Variants in FBXL13 observed in about 807,000 individuals in gnomAD.
FBXL13 encodes F-box and leucine rich repeat protein 13.
FBXL13 carries 67 observed loss-of-function variants against 83.6 expected under a neutral mutation model. The ratio of observed to expected loss-of-function variants is 0.80; its 90% CI spans 0.66 to 0.98. FBXL13 has a LOEUF of 0.98. Among genes scored for constraint, FBXL13 ranks in the 50% least tolerant of loss-of-function variants. The pLI is 0.00. For synonymous variants in FBXL13, 272 were observed against 299.5 expected (o/e 0.91, Z 0.95); for missense variants, 822 against 866.5 (o/e 0.95, Z 0.64).
intron 10 of FBXL13, among the ~76,000 whole-genome samples, chr7:102,921,445 C>T (rs956378657): frequency 6.6e-6 from 1 of 151,930 alleles, no homozygotes; most frequent in Non-Finnish European, 1.5e-5. Context: ...TTTGGGAGGC[C>T]GAAGTGGGTG....
intron 6 of FBXL13, among the ~76,000 whole-genome samples, chr7:102,983,220 G>A (rs1004494612): frequency 6.6e-6 from 1 of 152,098 alleles, no homozygotes; most frequent in Non-Finnish European, 1.5e-5. Context: ...CTCATGCAGT[G>A]TAGCATTAAC....
Position 103,052,553 on chromosome 7 carries a change from C to G in FBXL13, c.-1+3091G>C, listed in dbSNP as rs961537665. Among the ~76,000 whole-genome samples the G allele has an allele frequency of 3.9e-5, 6 of 152,062 alleles. No homozygotes were observed. In the East Asian group the frequency reaches 1.2e-3, roughly 29 times the overall value. Reference sequence around the variant, plus strand: ...CAACCCTAGGACACTTGGAGATTCACATTTTCATGTCTAACCTTAACAAAT... The same window carrying G: ...CAACCCTAGGACACTTGGAGATTCAGATTTTCATGTCTAACCTTAACAAAT... On this transcript the variant is annotated intron_variant, in intron 2 of 19. Coordinates refer to ENST00000313221, the Ensembl canonical transcript of FBXL13.
chr7:102,883,860 G>A (rs1036285428), intron 12 of FBXL13, among the ~76,000 whole-genome samples, 175 bp from the exon 14 acceptor site: 1 of 152,100 alleles, frequency 6.6e-6, no homozygotes, highest in African/African-American at 2.4e-5. Context: ...TTTGACTAAT[G>A]TGGAGGAATC....
intron 8 of FBXL13, among the ~76,000 whole-genome samples, chr7:102,953,139 C>T (rs1823684450): frequency 6.6e-6 from 1 of 152,128 alleles, no homozygotes; most frequent in Non-Finnish European, 1.5e-5. Context: ...GGAAAAAATA[C>T]CTCCTACCTC....
chr7:102,917,463 G>T (rs1197416077), intron 10 of FBXL13, among the ~76,000 whole-genome samples: 1 of 152,164 alleles, frequency 6.6e-6, no homozygotes, highest in African/African-American at 2.4e-5. Flanking sequence ...GTGAAAGAAG[G>T]TTGTTATTAT....
chr7:102,977,120 G>T (rs1347950597), intron 6 of FBXL13, among the ~76,000 whole-genome samples: 4 of 152,274 alleles, frequency 2.6e-5, no homozygotes, highest in African/African-American at 4.8e-5. Flanking sequence ...GCAAGAGGAC[G>T]AGTGGCCCCT....
At chr7:102,908,857 C>T (rs1341310306) in intron 11 of FBXL13, among the ~76,000 whole-genome samples, 1 of 152,244 alleles carries the variant, frequency 6.6e-6, no homozygotes, top group African/African-American at 2.4e-5. Flanking sequence ...GTAGCTATCA[C>T]AGCACTGGGT....
intron 11 of FBXL13, among the ~76,000 whole-genome samples, chr7:102,904,140 G>A (rs1813389494): frequency 6.6e-6 from 1 of 151,496 alleles, no homozygotes; most frequent in Admixed American, 6.6e-5. Context: ...TTTCTTTACT[G>A]GGAGACTTTT....
At chr7:102,984,169 AAG>A (rs144924299) in intron 6 of FBXL13, among the ~76,000 whole-genome samples, 1,681 of 152,144 alleles carry the variant, frequency 0.011, 42 homozygotes, top group African/African-American at 0.039. Flanking sequence ...GCACTGAAAA[AAG>A]AGTCATTTGC....
intron 1 of FBXL13, among the ~76,000 whole-genome samples, chr7:103,066,855 G>A (rs1418917553): frequency 6.7e-6 from 1 of 149,228 alleles, no homozygotes; most frequent in African/African-American, 2.5e-5. Flanking sequence ...GCAATGGCGT[G>A]ATCGCAGCTC....
chr7:102,911,119 T>A (rs900051390), intron 11 of FBXL13, among the ~76,000 whole-genome samples: 1 of 152,188 alleles, frequency 6.6e-6, no homozygotes, highest in Non-Finnish European at 1.5e-5. Context: ...TGTCCTTGGG[T>A]GGGGAACAAT....
chr7:102,877,514 A>C, exon 16 of FBXL13: 1 of 1,611,118 alleles, frequency 6.2e-7, no homozygotes, highest in Middle Eastern at 1.8e-4. Context: ...ACCAAGGAAA[A>C]GATGTTTACA....
chr7:103,048,956 C>G (rs1451416380), intron 2 of FBXL13, among the ~76,000 whole-genome samples: 3 of 152,166 alleles, frequency 2.0e-5, no homozygotes, highest in Non-Finnish European at 2.9e-5. Flanking sequence ...TAGTCTCAAT[C>G]ACATGTTATA....
At chr7:102,897,628 C>CAA (rs1812417777) in intron 11 of FBXL13, among the ~76,000 whole-genome samples, 1 of 152,022 alleles carries the variant, frequency 6.6e-6, no homozygotes, top group African/African-American at 2.4e-5. Context: ...AAAATAAATC[C>CAA]AATGTGAAAT....
downstream of FBXL13, among the ~76,000 whole-genome samples, chr7:102,812,122 C>T (rs1394354562): frequency 6.6e-6 from 1 of 152,192 alleles, no homozygotes; most frequent in African/African-American, 2.4e-5. Context: ...TCTGATATTG[C>T]TGACAAGGCT....
intron 6 of FBXL13, among the ~76,000 whole-genome samples, chr7:103,010,408 T>G (rs760430252): frequency 2.0e-5 from 3 of 150,530 alleles, no homozygotes; most frequent in Non-Finnish European, 3.0e-5. Context: ...TACTTCTGCT[T>G]GAATCTGCTG....
At chr7:102,949,603 T>TA (rs1023906826) in intron 8 of FBXL13, among the ~76,000 whole-genome samples, 2 of 152,034 alleles carry the variant, frequency 1.3e-5, no homozygotes, top group Admixed American at 1.3e-4. Flanking sequence ...TTTGCTTCCT[T>TA]AAAAAAAATC....
At chr7:102,831,394 G>GACACACACACACACACAC (rs3045618) in intron 18 of FBXL13, among the ~76,000 whole-genome samples, 2 of 141,568 alleles carry the variant, frequency 1.4e-5, no homozygotes, top group African/African-American at 5.4e-5. Flanking sequence ...CAGTGCCCGG[G>GACACACACACACACACAC]ACACACACAC....
intron 18 of FBXL13, among the ~76,000 whole-genome samples, chr7:102,827,935 G>C (rs944668696): frequency 1.3e-5 from 2 of 152,046 alleles, no homozygotes; most frequent in African/African-American, 4.8e-5. Context: ...CTGTTCCATT[G>C]GTCTATATCT....
Sources: gnomAD v4.1 joint callset for allele counts (sites outside exome capture counted in the v4.1 genomes callset) on GRCh38, gnomAD v4.1.1 for gene constraint, MANE v1.5 for transcripts, NCBI Gene and HGNC (gene_info 2026-07-23, HGNC 2026-07-21) for gene names.